Variants in AHI1 observed in about 807,000 individuals in gnomAD.
The protein encoded by AHI1 is Abelson helper integration site 1, also known as jouberin.
In AHI1, 123 loss-of-function variants were observed where a neutral mutation model predicts 149.3. That is an observed-to-expected ratio of 0.82 (90% CI 0.71 to 0.96). The LOEUF (loss-of-function observed/expected upper bound fraction) is 0.96, where lower values mean the gene tolerates loss of function less well. AHI1 is among the 40% of genes least tolerant of loss of function. The pLI is 0.00. For synonymous variants in AHI1, 475 were observed against 459.8 expected (o/e 1.03, Z -0.42); for missense variants, 1,439 against 1,422.7 (o/e 1.01, Z -0.18).
intron 26 of AHI1, among the ~76,000 whole-genome samples, chr6:135,315,515 T>A (rs1236119241): frequency 1.3e-5 from 2 of 152,192 alleles, no homozygotes; most frequent in Non-Finnish European, 2.9e-5. Context: ...ACCAATTCTA[T>A]CAAGTCTCTC....
intron 23 of AHI1, among the ~76,000 whole-genome samples, chr6:135,389,674 ATTTTC>A (rs1778182490): frequency 1.3e-5 from 2 of 152,154 alleles, no homozygotes; most frequent in South Asian, 4.1e-4. Flanking sequence ...AAAATGATTC[ATTTTC>A]TTTTGTTTGA....
At chr6:135,379,063 T>C (rs1252955874) in intron 23 of AHI1, among the ~76,000 whole-genome samples, 5 of 152,212 alleles carry the variant, frequency 3.3e-5, no homozygotes, top group Admixed American at 2.6e-4. Flanking sequence ...ACTGTATAGT[T>C]CCTAGCACAG....
intron 23 of AHI1, among the ~76,000 whole-genome samples, chr6:135,358,909 C>CT (rs1341892914): frequency 6.6e-6 from 1 of 152,180 alleles, no homozygotes; most frequent in Non-Finnish European, 1.5e-5. Context: ...AAGTGTGGGT[C>CT]TTGTTTAATT....
chr6:135,347,975 G>C (rs1050307566), intron 24 of AHI1, among the ~76,000 whole-genome samples: 2 of 152,148 alleles, frequency 1.3e-5, no homozygotes, highest in Non-Finnish European at 2.9e-5. Flanking sequence ...CCCCCTCTAC[G>C]GATTTATTTT....
intron 24 of AHI1, among the ~76,000 whole-genome samples, chr6:135,347,813 T>A (rs572710043): frequency 6.6e-6 from 1 of 152,198 alleles, no homozygotes; most frequent in African/African-American, 2.4e-5. Context: ...AAACCAGGAT[T>A]TATTTTCAGA....
At chr6:135,337,542 T>C (rs972073754) in intron 24 of AHI1, among the ~76,000 whole-genome samples, 1 of 151,976 alleles carries the variant, frequency 6.6e-6, no homozygotes, top group African/African-American at 2.4e-5. Flanking sequence ...GAGGATCACC[T>C]GAGCCCAGGA....
intron 20 of AHI1, among the ~76,000 whole-genome samples, chr6:135,412,849 T>G (rs181343593): frequency 6.6e-6 from 1 of 152,160 alleles, no homozygotes; most frequent in Non-Finnish European, 1.5e-5. Context: ...AGGGAGTCTA[T>G]GGACTACTGA....
chr6:135,460,943 T>C (rs1363592287), intron 8 of AHI1, among the ~76,000 whole-genome samples: 1 of 152,124 alleles, frequency 6.6e-6, no homozygotes, highest in African/African-American at 2.4e-5. Context: ...CATATCTAAA[T>C]GTGAAAGTAA....
At chr6:135,355,005 CA>C (rs1792737825) in intron 24 of AHI1, among the ~76,000 whole-genome samples, 1 of 152,110 alleles carries the variant, frequency 6.6e-6, no homozygotes, top group African/African-American at 2.4e-5. Context: ...CGCCAGAATG[CA>C]AAGATAATCA....
At chr6:135,357,966 C>A (rs1007478299) in intron 24 of AHI1, among the ~76,000 whole-genome samples, 166 bp downstream of exon 24, 11 of 152,132 alleles carry the variant, frequency 7.2e-5, no homozygotes, top group African/African-American at 2.7e-4. Flanking sequence ...ATTATCAAAA[C>A]TATAAATTAT....
At position 135,467,657 on chromosome 6, in the gene AHI1, G is replaced by A. The variant is rs769109567; in HGVS notation, c.136-23C>T. ...AGGCTAAAAAGGAAGACATAATAAAGTTTCAGCTAAGCGTAGATTAGTTGT... is the reference window on the plus strand; with the variant it reads ...AGGCTAAAAAGGAAGACATAATAAAATTTCAGCTAAGCGTAGATTAGTTGT... On this transcript the variant is annotated intron_variant, in intron 5 of 28. Coordinates refer to ENST00000265602, the MANE Select transcript of AHI1 (RefSeq NM_001134831.2). The A allele has an allele frequency of 6.4e-6, 10 of 1,556,534 alleles. No homozygotes were observed. The South Asian group carries it at 6.9e-5, about 11-fold the overall frequency.
intron 24 of AHI1, among the ~76,000 whole-genome samples, chr6:135,352,222 C>G (rs1400370455): frequency 6.6e-6 from 1 of 152,146 alleles, no homozygotes; most frequent in Non-Finnish European, 1.5e-5. Flanking sequence ...TTCTCATGAT[C>G]AAATACCTTA....
chr6:135,395,343 C>T (rs1403135563), intron 22 of AHI1, among the ~76,000 whole-genome samples: 1 of 151,952 alleles, frequency 6.6e-6, no homozygotes, highest in Admixed American at 6.6e-5. Context: ...TTATATACAT[C>T]ATGGTGACAC....
intron 3 of AHI1, chr6:135,492,696 T>G: frequency 5.1e-6 from 5 of 985,402 alleles, no homozygotes; most frequent in Non-Finnish European, 6.0e-6. Context: ...TAAAGCATGC[T>G]TGTGGGTAGC....
At chr6:135,476,879 T>C (rs372026500) in intron 5 of AHI1, among the ~76,000 whole-genome samples, 19 of 152,294 alleles carry the variant, frequency 1.2e-4, no homozygotes, top group Admixed American at 3.9e-4. Context: ...AAGTTTCTTA[T>C]AGTCAACATA....
At chr6:135,331,678 C>T (rs976830659) in intron 24 of AHI1, among the ~76,000 whole-genome samples, 2 of 152,134 alleles carry the variant, frequency 1.3e-5, no homozygotes, top group African/African-American at 2.4e-5. Context: ...AATTGATGTT[C>T]GTAATACCTC....
chr6:135,490,272 T>G (rs1417537934), intron 5 of AHI1: 1 of 715,032 alleles, frequency 1.4e-6, no homozygotes, highest in Non-Finnish European at 2.6e-6. Flanking sequence ...GCACAAGCTA[T>G]TCAATATCTG....
intron 23 of AHI1, among the ~76,000 whole-genome samples, chr6:135,384,858 G>T (rs1313960037): frequency 6.6e-6 from 1 of 152,168 alleles, no homozygotes; most frequent in African/African-American, 2.4e-5. Context: ...GGAAGCTGAG[G>T]TGGGCGGATC....
intron 26 of AHI1, among the ~76,000 whole-genome samples, chr6:135,305,636 A>C (rs1391079523): frequency 1.3e-5 from 2 of 152,140 alleles, no homozygotes; most frequent in East Asian, 3.8e-4. Flanking sequence ...TTCTGGTCTT[A>C]TTTCTTTCAG....
Sources: gnomAD v4.1 joint callset for allele counts (sites outside exome capture counted in the v4.1 genomes callset) on GRCh38, gnomAD v4.1.1 for gene constraint, MANE v1.5 for transcripts, NCBI Gene and HGNC (gene_info 2026-07-23, HGNC 2026-07-21) for gene names.